DPH6: variants seen among roughly 807,000 people sequenced by gnomAD.
DPH6 encodes the protein diphthamine biosynthesis 6, also known as diphthine--ammonia ligase.
DPH6 carries 33 observed loss-of-function variants against 38.2 expected under a neutral mutation model. The ratio of observed to expected loss-of-function variants is 0.86; its 90% CI spans 0.65 to 1.15. The LOEUF is 1.15. Ranked by LOEUF, DPH6 falls within the 50% of genes most tolerant of loss-of-function variation. DPH6 has a pLI of 0.00. For missense variants in DPH6, 325 were observed against 320.0 expected (o/e 1.02, Z -0.12); for synonymous variants, 108 against 103.0 (o/e 1.05, Z -0.30).
intron 3 of DPH6, among the ~76,000 whole-genome samples, chr15:35,493,265 T>C (rs1566930003): frequency 2.0e-5 from 3 of 152,294 alleles, no homozygotes; most frequent in East Asian, 3.9e-4. Flanking sequence ...GTATGAAGTG[T>C]GTAAGCAAAC....
intron 5 of DPH6, among the ~76,000 whole-genome samples, chr15:35,436,568 A>G (rs1448912429): frequency 6.7e-6 from 1 of 149,490 alleles, no homozygotes; most frequent in African/African-American, 2.4e-5. Flanking sequence ...TGACAGAAAG[A>G]GACTCCATCT....
chr15:35,455,021 G>A (rs1247784171), intron 3 of DPH6, among the ~76,000 whole-genome samples: 1 of 152,012 alleles, frequency 6.6e-6, no homozygotes, highest in Non-Finnish European at 1.5e-5. Context: ...AATAATTATG[G>A]TTTTACTTAA....
At chr15:35,401,399 A>G in intron 6 of DPH6, 2 of 757,520 alleles carry the variant, frequency 2.6e-6, no homozygotes, top group Non-Finnish European at 4.9e-6. Context: ...TTTGGTAATG[A>G]TGGTGGTTAT....
At chr15:35,515,086 A>G (rs1173676743) in intron 3 of DPH6, among the ~76,000 whole-genome samples, 1 of 152,062 alleles carries the variant, frequency 6.6e-6, no homozygotes, top group African/African-American at 2.4e-5. Context: ...TGCCTTAATC[A>G]GCTACATCTT....
the DPH6 span, among the ~76,000 whole-genome samples, chr15:35,173,164 A>G: frequency 6.6e-6 from 1 of 152,188 alleles, no homozygotes; most frequent in African/African-American, 2.4e-5. Flanking sequence ...TCAACAAGAT[A>G]CTTTAAACAA....
At chr15:35,310,602 A>G (rs2052132849) in intron 3 of DPH6, among the ~76,000 whole-genome samples, 1 of 152,200 alleles carries the variant, frequency 6.6e-6, no homozygotes, top group African/African-American at 2.4e-5. Context: ...GCCTTTTAGA[A>G]CTACTCAAAA....
At chr15:35,278,578 C>T (rs2051874677) in intron 3 of DPH6, among the ~76,000 whole-genome samples, 1 of 152,198 alleles carries the variant, frequency 6.6e-6, no homozygotes, top group South Asian at 2.1e-4. Context: ...GGGCCACTGC[C>T]TTCCAGGCCA....
chr15:35,422,907 T>A (rs1028324123), intron 5 of DPH6, among the ~76,000 whole-genome samples: 1 of 151,856 alleles, frequency 6.6e-6, no homozygotes, highest in African/African-American at 2.4e-5. Context: ...TTTTTAAAGG[T>A]TGAATAATAC....
At chr15:35,475,574 G>A (rs1269100652) in intron 3 of DPH6, among the ~76,000 whole-genome samples, 2 of 151,816 alleles carry the variant, frequency 1.3e-5, no homozygotes, top group African/African-American at 4.8e-5. Flanking sequence ...CTTTGGTCAT[G>A]GATTTAATAT....
At position 35,263,729 on chromosome 15, in the gene DPH6, T is replaced by G. The variant is rs1334820651; in HGVS notation, n.201-43147A>C. Among the ~76,000 whole-genome samples the G allele has an allele frequency of 2.6e-5, 4 of 151,840 alleles. No homozygotes were observed. The East Asian group carries it at 7.7e-4, about 29-fold the overall frequency. Reference sequence around the variant, plus strand: ...CACAGTTTATAATTTCTTTTTTTTTTGAGACAGAGTCTCGCTCTGTCACTC... The same window carrying G: ...CACAGTTTATAATTTCTTTTTTTTTGGAGACAGAGTCTCGCTCTGTCACTC... On this transcript the variant is annotated intron_variant and non_coding_transcript_variant, in intron 3 of 3. Transcript: ENST00000560386.
intron 4 of DPH6, among the ~76,000 whole-genome samples, chr15:35,451,879 G>A (rs7173096): frequency 6.6e-6 from 1 of 152,192 alleles, no homozygotes; most frequent in East Asian, 1.9e-4. Flanking sequence ...GCATGGTGGC[G>A]GGCGCCTGTG....
At chr15:35,417,035 G>T (rs2053445132) in intron 5 of DPH6, among the ~76,000 whole-genome samples, 1 of 151,986 alleles carries the variant, frequency 6.6e-6, no homozygotes. Context: ...TTAATGCTTA[G>T]CATACCAATG....
chr15:35,321,477 GT>G (rs2052239921), intron 3 of DPH6, among the ~76,000 whole-genome samples: 1 of 152,246 alleles, frequency 6.6e-6, no homozygotes, highest in African/African-American at 2.4e-5. Context: ...GAGAACTGTG[GT>G]TACCTTCTGG....
Position 35,546,160 on chromosome 15 carries a change from G to C in DPH6, c.-19C>G, listed in dbSNP as rs1304613418. 7.3e-6 allele frequency: 10 copies of C among 1,362,950 alleles called. No homozygotes were observed. Among genetic ancestry groups the C allele is most frequent in the Non-Finnish European group, 8.6e-6 (9 of 1,045,054 alleles). The allele number at this position is 1,362,950 out of a possible 1,614,324, so 84.4% of individuals were successfully genotyped here. ...CCCTCATGCTGGGCGCAGTGCGCGTGCGTGCGGCGAGCGCGGGCGGGAGCC... is the reference window on the plus strand; with the variant it reads ...CCCTCATGCTGGGCGCAGTGCGCGTCCGTGCGGCGAGCGCGGGCGGGAGCC... On this transcript the variant is annotated 5_prime_UTR_variant, in exon 1 of 9. Transcript: ENST00000256538.
At chr15:35,389,212 G>C (rs887972833) in intron 6 of DPH6, among the ~76,000 whole-genome samples, 5 of 152,106 alleles carry the variant, frequency 3.3e-5, no homozygotes, top group African/African-American at 1.2e-4. Flanking sequence ...GAGACAGTTT[G>C]TTATAATTTC....
intron 3 of DPH6, among the ~76,000 whole-genome samples, chr15:35,357,147 G>A (rs111274572): frequency 9.9e-5 from 15 of 152,224 alleles, no homozygotes; most frequent in African/African-American, 1.7e-4. Context: ...CAGTATTAGC[G>A]TGGGAATGAC....
intron 5 of DPH6, among the ~76,000 whole-genome samples, chr15:35,432,928 T>C (rs979729201): frequency 3.2e-4 from 48 of 152,096 alleles, no homozygotes; most frequent in Admixed American, 1.1e-3. Context: ...TGGGCGTAAA[T>C]GACTAATGAC....
intron 5 of DPH6, among the ~76,000 whole-genome samples, chr15:35,445,698 A>AT (rs1475368881): frequency 6.6e-6 from 1 of 152,226 alleles, no homozygotes; most frequent in African/African-American, 2.4e-5. Flanking sequence ...AAACACGCAC[A>AT]TATCATTCAC....
intron 5 of DPH6, among the ~76,000 whole-genome samples, chr15:35,445,635 A>G (rs1365605659): frequency 1.3e-5 from 2 of 151,900 alleles, no homozygotes; most frequent in African/African-American, 4.9e-5. Context: ...GTATTTTATC[A>G]TTTACTACCA....
Sources: allele counts gnomAD v4.1 joint callset (sites outside exome capture counted in the v4.1 genomes callset), GRCh38; gene constraint gnomAD v4.1.1; transcripts MANE v1.5; gene names NCBI Gene and HGNC (gene_info 2026-07-23, HGNC 2026-07-21).